Variants in DRD3 observed in about 807,000 individuals in gnomAD.
DRD3 encodes D(3) dopamine receptor.
A neutral mutation model predicts 36.3 loss-of-function variants in DRD3; 19 were observed. The ratio of observed to expected loss-of-function variants is 0.52; its 90% CI spans 0.36 to 0.77. DRD3 has a LOEUF of 0.77. Ranked by LOEUF, DRD3 falls within the 30% of genes least tolerant of loss-of-function variation. DRD3 has a pLI of 0.00. For missense variants in DRD3, 465 were observed against 505.3 expected, an observed-to-expected ratio of 0.92 and a Z score of 0.77; for synonymous variants, 195 against 203.7, an observed-to-expected ratio of 0.96 and a Z score of 0.36.
At chr3:114,177,185 G>C (rs1449936642) in intron 1 of DRD3, among the ~76,000 whole-genome samples, 1 of 152,150 alleles carries the variant, frequency 6.6e-6, no homozygotes, top group Non-Finnish European at 1.5e-5. Flanking sequence ...GGTGCACACT[G>C]CTCATAGAGC....
At chr3:114,141,407 T>C (rs576498446) in intron 4 of DRD3, among the ~76,000 whole-genome samples, 18 of 152,334 alleles carry the variant, frequency 1.2e-4, no homozygotes, top group African/African-American at 4.3e-4. Flanking sequence ...TATTGTATAG[T>C]AGTTGTGAGA....
At chr3:114,191,064 C>T (rs993097057) in intron 1 of DRD3, among the ~76,000 whole-genome samples, 1 of 152,118 alleles carries the variant, frequency 6.6e-6, no homozygotes, top group Non-Finnish European at 1.5e-5. Context: ...TTCATGAACC[C>T]CTTTGTTCAT....
intron 3 of DRD3, among the ~76,000 whole-genome samples, chr3:114,151,447 T>C (rs1215127654): frequency 1.3e-5 from 2 of 152,180 alleles, no homozygotes; most frequent in African/African-American, 4.8e-5. Context: ...CTAATTTGTA[T>C]TATTTGCCAA....
intron 1 of DRD3, among the ~76,000 whole-genome samples, chr3:114,191,182 G>A (rs939895648): frequency 2.6e-5 from 4 of 152,200 alleles, no homozygotes; most frequent in African/African-American, 4.8e-5. Context: ...GGTACAGGGA[G>A]GTGGAGAATA....
chr3:114,184,609 G>T (rs1037942965), intron 1 of DRD3, among the ~76,000 whole-genome samples: 5 of 124,926 alleles, frequency 4.0e-5, no homozygotes, highest in African/African-American at 1.3e-4. Flanking sequence ...AAAGTCTAGT[G>T]GTAATGTGGT....
At chr3:114,157,381 T>TCC (rs1293497976) in intron 3 of DRD3, among the ~76,000 whole-genome samples, 2 of 152,070 alleles carry the variant, frequency 1.3e-5, no homozygotes, top group African/African-American at 4.8e-5. Flanking sequence ...TTTCATCTCT[T>TCC]CCCAGGTTGC....
chr3:114,136,923 G>A (rs1219322785), intron 5 of DRD3, among the ~76,000 whole-genome samples: 1 of 152,128 alleles, frequency 6.6e-6, no homozygotes, highest in Non-Finnish European at 1.5e-5. Context: ...CCTGGTTTTT[G>A]CTCTGTCCAT....
chr3:114,191,904 G>T (rs925914700), intron 1 of DRD3, among the ~76,000 whole-genome samples: 7 of 152,192 alleles, frequency 4.6e-5, no homozygotes, highest in African/African-American at 1.7e-4. Context: ...ACATGCTGTA[G>T]AAATAAATGA....
At chr3:114,187,257 G>C (rs2077980681) in intron 1 of DRD3, among the ~76,000 whole-genome samples, 1 of 152,226 alleles carries the variant, frequency 6.6e-6, no homozygotes, top group African/African-American at 2.4e-5. Context: ...GTTGGGGTTT[G>C]TGTGTTCACA....
chr3:114,193,290 G>GACAACA (rs201054154), intron 1 of DRD3, among the ~76,000 whole-genome samples: 52 of 125,700 alleles, frequency 4.1e-4, no homozygotes, highest in Middle Eastern at 5.2e-3. Flanking sequence ...AAACAACAAC[G>GACAACA]ACAACAACAA....
chr3:114,175,867 A>C (rs981987706), intron 1 of DRD3: 7 of 152,238 alleles, frequency 4.6e-5, no homozygotes, highest in Non-Finnish European at 1.0e-4. Context: ...AAGGCAGAGA[A>C]ATAGAAGATT....
At chr3:114,186,097 T>A (rs985581027) in intron 1 of DRD3, among the ~76,000 whole-genome samples, 1 of 152,222 alleles carries the variant, frequency 6.6e-6, no homozygotes, top group Non-Finnish European at 1.5e-5. Context: ...ATCTGCACCT[T>A]TCCCTAGGTA....
chr3:114,132,177 C>T (rs1189158055), intron 5 of DRD3, among the ~76,000 whole-genome samples: 1 of 152,120 alleles, frequency 6.6e-6, no homozygotes, highest in African/African-American at 2.4e-5. Context: ...CAATGATAGA[C>T]TGTATAAAGA....
intron 3 of DRD3, among the ~76,000 whole-genome samples, chr3:114,156,036 T>C (rs2077664102): frequency 6.6e-6 from 1 of 152,218 alleles, no homozygotes; most frequent in Non-Finnish European, 1.5e-5. Context: ...TATCACATTG[T>C]GCTAAGCTTT....
chr3:114,164,008 G>A (rs922287093), intron 2 of DRD3, among the ~76,000 whole-genome samples: 1 of 151,812 alleles, frequency 6.6e-6, no homozygotes, highest in Non-Finnish European at 1.5e-5. Flanking sequence ...ATAACTTGAG[G>A]TCAGGAGTTC....
At chr3:114,166,627 G>C (rs996104944) in intron 2 of DRD3, among the ~76,000 whole-genome samples, 1 of 152,148 alleles carries the variant, frequency 6.6e-6, no homozygotes, top group Non-Finnish European at 1.5e-5. Flanking sequence ...TCCGTTCTTT[G>C]TAAATTATAC....
At chr3:114,191,941 C>T (rs891863604) in intron 1 of DRD3, among the ~76,000 whole-genome samples, 2 of 152,118 alleles carry the variant, frequency 1.3e-5, no homozygotes, top group Non-Finnish European at 2.9e-5. Context: ...ACAGCAAAGG[C>T]TATTTATTTG....
chr3:114,164,220 CAAAAAA>C (rs34500434), intron 2 of DRD3, among the ~76,000 whole-genome samples: 11 of 17,772 alleles, frequency 6.2e-4, no homozygotes, highest in Admixed American at 5.8e-3. Context: ...GCCTCAGTCT[CAAAAAA>C]AAAAAAAAAA....
chr3:114,159,487 C>T (rs1362192393), intron 3 of DRD3, among the ~76,000 whole-genome samples: 3 of 151,964 alleles, frequency 2.0e-5, no homozygotes, highest in African/African-American at 7.3e-5. Context: ...AAAAAAACCC[C>T]AAAGGATGGT....
Sources: allele counts gnomAD v4.1 joint callset (sites outside exome capture counted in the v4.1 genomes callset), GRCh38; gene constraint gnomAD v4.1.1; transcripts MANE v1.5; gene names NCBI Gene and HGNC (gene_info 2026-07-23, HGNC 2026-07-21).